Variants in PBX3 observed in about 807,000 individuals in gnomAD.
PBX3 encodes the protein pre-B-cell leukemia transcription factor 3.
In PBX3, 14 loss-of-function variants were observed where a neutral mutation model predicts 48.5. The observed-to-expected ratio is 0.29, with a 90% CI of 0.19 to 0.45. The LOEUF (loss-of-function observed/expected upper bound fraction) is 0.45, where lower values mean the gene tolerates loss of function less well. Ranked by LOEUF, PBX3 falls within the 20% of genes least tolerant of loss-of-function variation. The pLI, the probability that PBX3 is intolerant of heterozygous loss-of-function variation, is 1.00. For synonymous variants in PBX3, 210 were observed against 200.3 expected (o/e 1.05, Z -0.41); for missense variants, 386 against 546.7 (o/e 0.71, Z 2.93).
intron 2 of PBX3, among the ~76,000 whole-genome samples, chr9:125,823,924 A>C (rs1838732794): frequency 6.6e-6 from 1 of 151,974 alleles, no homozygotes; most frequent in Non-Finnish European, 1.5e-5. Flanking sequence ...AAAAATGCAA[A>C]AATTAGCCAG....
chr9:125,777,459 A>T (rs1837106695), intron 2 of PBX3, among the ~76,000 whole-genome samples: 1 of 148,676 alleles, frequency 6.7e-6, no homozygotes, highest in Non-Finnish European at 1.5e-5. Flanking sequence ...GGGTTCAAGC[A>T]ATTCTCCTGC....
intron 2 of PBX3, among the ~76,000 whole-genome samples, chr9:125,793,384 T>TATAC (rs1411288917): frequency 7.0e-6 from 1 of 143,224 alleles, no homozygotes; most frequent in Admixed American, 7.0e-5. Context: ...TATATATATA[T>TATAC]ATATATATTT....
rs149149279 is a variant in PBX3, at chr9:125,879,361, G to A, written c.275-36325G>A. ...CTCCCAAAGTTCTGGGATTACAGGC[G>A]TGAGCCACCGTGCCCGGCCAAAGAC... On this transcript the variant is annotated intron_variant, in intron 2 of 8. Coordinates refer to ENST00000373489, the MANE Select transcript of PBX3 (RefSeq NM_006195.6). 1.6e-3 allele frequency among the ~76,000 whole-genome samples: 240 copies of A among 152,172 alleles called. 2 individuals are homozygous for A. The highest frequency in any genetic ancestry group is 5.7e-3 in the African/African-American group (238 of 41,526).
At chr9:125,836,439 T>A (rs1839138437) in intron 2 of PBX3, among the ~76,000 whole-genome samples, 1 of 151,868 alleles carries the variant, frequency 6.6e-6, no homozygotes, top group Admixed American at 6.6e-5. Context: ...AGCGAGACTC[T>A]GTCTCAAAAA....
chr9:125,765,273 C>T (rs147430834), intron 2 of PBX3, among the ~76,000 whole-genome samples: 35 of 151,788 alleles, frequency 2.3e-4, no homozygotes, highest in African/African-American at 7.3e-4. Context: ...CTCAGCCTCC[C>T]GAATAGTCAA....
intron 2 of PBX3, among the ~76,000 whole-genome samples, chr9:125,869,198 C>T (rs552573713): frequency 7.9e-5 from 12 of 151,880 alleles, no homozygotes; most frequent in South Asian, 2.1e-4. Flanking sequence ...TGAGAATTAG[C>T]GGACAATGGA....
chr9:125,791,539 G>T (rs1837610128), intron 2 of PBX3, among the ~76,000 whole-genome samples: 1 of 152,086 alleles, frequency 6.6e-6, no homozygotes, highest in South Asian at 2.1e-4. Flanking sequence ...TTATTTAAAA[G>T]TATGTAGCAC....
intron 2 of PBX3, among the ~76,000 whole-genome samples, chr9:125,863,425 T>C (rs1424892440): frequency 6.6e-6 from 1 of 151,678 alleles, no homozygotes; most frequent in African/African-American, 2.4e-5. Flanking sequence ...TTGGCCAGGA[T>C]TGTCTCGATC....
intron 5 of PBX3, 69 bp from the exon 6 acceptor site, chr9:125,960,615 C>A: frequency 7.1e-7 from 1 of 1,400,598 alleles, no homozygotes; most frequent in African/African-American, 1.4e-5. Flanking sequence ...TGGTGTCCAG[C>A]AGGTATTATT....
chr9:125,942,595 C>T (rs1022699767), intron 5 of PBX3, among the ~76,000 whole-genome samples: 2 of 152,056 alleles, frequency 1.3e-5, no homozygotes, highest in African/African-American at 4.8e-5. Context: ...TACATAAAGG[C>T]CTTTTCAGTT....
At chr9:125,961,974 T>A in intron 6 of PBX3, 128 bp from the exon 7 acceptor site, 1 of 513,310 alleles carries the variant, frequency 1.9e-6, no homozygotes, top group East Asian at 3.1e-5. Flanking sequence ...TCCTCTTAGA[T>A]CTGGAAATGC....
At chr9:125,941,098 G>A (rs1841950031) in intron 5 of PBX3, among the ~76,000 whole-genome samples, 1 of 152,116 alleles carries the variant, frequency 6.6e-6, no homozygotes, top group Non-Finnish European at 1.5e-5. Context: ...ATGAAGGAGG[G>A]AAGTGGTTAG....
chr9:125,869,626 G>T (rs1840069248), intron 2 of PBX3, among the ~76,000 whole-genome samples: 1 of 152,168 alleles, frequency 6.6e-6, no homozygotes, highest in African/African-American at 2.4e-5. Context: ...AAATTAGCTA[G>T]AATTATCAAC....
At chr9:125,944,184 T>G (rs958662313) in intron 5 of PBX3, among the ~76,000 whole-genome samples, 1 of 152,236 alleles carries the variant, frequency 6.6e-6, no homozygotes, top group Non-Finnish European at 1.5e-5. Context: ...TCCAGAAACC[T>G]TCTCCAGAGA....
In PBX3 at chr9:125,949,532, A is replaced by G. The variant is rs767075735; in HGVS notation, c.844-11152A>G. 260 of 1,421,916 alleles carry G rather than the reference A, an allele frequency of 1.8e-4. 2 individuals are homozygous for G. Among genetic ancestry groups the G allele is most frequent in the South Asian group, 5.4e-4 (36 of 66,914 alleles). 88.1% of individuals were successfully genotyped at this position (1,421,916 alleles called of 1,614,324 possible). ...TCTCTGATGGACCTATACTGTGTAT[A>G]TATATATATAGTATTCTTTACTCCA... On this transcript the variant is annotated intron_variant, in intron 5 of 8. Coordinates refer to ENST00000373489, the MANE Select transcript of PBX3 (RefSeq NM_006195.6).
intron 2 of PBX3, among the ~76,000 whole-genome samples, chr9:125,793,607 T>C (rs1837688126): frequency 6.6e-6 from 1 of 151,450 alleles, no homozygotes; most frequent in African/African-American, 2.4e-5. Context: ...TTTTCATACT[T>C]TTAGTAGAGA....
intron 2 of PBX3, among the ~76,000 whole-genome samples, chr9:125,912,053 G>A (rs73667293): frequency 0.028 from 4,221 of 152,156 alleles, 230 homozygotes; most frequent in African/African-American, 0.095. Context: ...TTGAAATGAG[G>A]GAGCCACAAA....
chr9:125,939,510 A>G (rs1841913659), intron 5 of PBX3, among the ~76,000 whole-genome samples: 1 of 152,194 alleles, frequency 6.6e-6, no homozygotes, highest in South Asian at 2.1e-4. Flanking sequence ...GTAAATTGAT[A>G]TAGCCACTTT....
intron 2 of PBX3, among the ~76,000 whole-genome samples, chr9:125,884,013 A>G (rs1161998439): frequency 6.6e-6 from 1 of 152,150 alleles, no homozygotes; most frequent in Non-Finnish European, 1.5e-5. Context: ...CATTTACCCC[A>G]TGATTTGCGA....
Sources: allele counts gnomAD v4.1 joint callset (sites outside exome capture counted in the v4.1 genomes callset), GRCh38; gene constraint gnomAD v4.1.1; transcripts MANE v1.5; gene names NCBI Gene and HGNC (gene_info 2026-07-23, HGNC 2026-07-21).